The following LRRC8D variants were observed in gnomAD, a reference collection of about 807,000 sequenced individuals.
The protein encoded by LRRC8D is volume-regulated anion channel subunit LRRC8D.
LRRC8D carries 20 observed loss-of-function variants against 55.8 expected under a neutral mutation model. The observed-to-expected ratio is 0.36, with a 90% CI of 0.25 to 0.52. The LOEUF (loss-of-function observed/expected upper bound fraction) is 0.52. LRRC8D is among the 20% of genes least tolerant of loss of function. The pLI is 0.93. For missense variants in LRRC8D, 651 were observed against 1,030.8 expected (o/e 0.63, Z 5.05); for synonymous variants, 352 against 377.0 (o/e 0.93, Z 0.77).
At chr1:89,858,532 C>G (rs1423225891) in intron 2 of LRRC8D, among the ~76,000 whole-genome samples, 1 of 152,164 alleles carries the variant, frequency 6.6e-6, no homozygotes, top group African/African-American at 2.4e-5. Context: ...AGTGGCATGA[C>G]TTAGTGCAAA....
chr1:89,865,940 A>G (rs1428097284), intron 2 of LRRC8D, among the ~76,000 whole-genome samples: 1 of 152,238 alleles, frequency 6.6e-6, no homozygotes, highest in Admixed American at 6.5e-5. Flanking sequence ...GGAAGTCAAT[A>G]GATTATAGAA....
intron 2 of LRRC8D, among the ~76,000 whole-genome samples, chr1:89,858,187 C>T (rs1661609492): frequency 1.3e-5 from 2 of 152,196 alleles, no homozygotes; most frequent in South Asian, 2.1e-4. Context: ...AGAGATGTCA[C>T]GCTACTGCAC....
At chr1:89,865,165 C>T (rs1661810963) in intron 2 of LRRC8D, among the ~76,000 whole-genome samples, 1 of 152,092 alleles carries the variant, frequency 6.6e-6, no homozygotes, top group Admixed American at 6.6e-5. Context: ...AGTAGGATCT[C>T]CCGTGTTTTT....
intron 2 of LRRC8D, among the ~76,000 whole-genome samples, chr1:89,866,925 G>A (rs1026035159): frequency 6.6e-6 from 1 of 152,098 alleles, no homozygotes; most frequent in Non-Finnish European, 1.5e-5. Flanking sequence ...GTGTGATGTC[G>A]ACCCCAAAGT....
intron 2 of LRRC8D, among the ~76,000 whole-genome samples, chr1:89,914,667 A>G (rs1166081924): frequency 6.9e-6 from 1 of 145,116 alleles, no homozygotes; most frequent in African/African-American, 2.6e-5. Flanking sequence ...TTTGTTTACT[A>G]TTACTGCTTG....
intron 2 of LRRC8D, among the ~76,000 whole-genome samples, chr1:89,847,201 T>C (rs904549609): frequency 2.0e-5 from 3 of 152,236 alleles, no homozygotes; most frequent in Non-Finnish European, 4.4e-5. Context: ...AACTGTAAAA[T>C]TATGGTTTAA....
At chr1:89,885,116 G>A (rs1309541636) in intron 2 of LRRC8D, among the ~76,000 whole-genome samples, 1 of 152,142 alleles carries the variant, frequency 6.6e-6, no homozygotes, top group African/African-American at 2.4e-5. Flanking sequence ...TCTGTCTGCT[G>A]CCTATTAAAT....
At chr1:89,894,864 C>T (rs17099957) in intron 2 of LRRC8D, among the ~76,000 whole-genome samples, 2,053 of 152,254 alleles carry the variant, frequency 0.013, 45 homozygotes, top group African/African-American at 0.047. Context: ...TGATGTGATA[C>T]GGAAAATTCT....
chr1:89,841,423 C>T (rs990810397), intron 1 of LRRC8D, among the ~76,000 whole-genome samples: 1 of 141,500 alleles, frequency 7.1e-6, no homozygotes, highest in African/African-American at 2.6e-5. Flanking sequence ...TGTGAGTGCA[C>T]AAGACTCTTA....
At chr1:89,921,851 A>G (rs1363581684) in intron 2 of LRRC8D, among the ~76,000 whole-genome samples, 1 of 151,478 alleles carries the variant, frequency 6.6e-6, no homozygotes, top group Admixed American at 6.6e-5. Context: ...GCCAACTTTT[A>G]AAGTTTTAAT....
chr1:89,895,634 A>T (rs1662688313), intron 2 of LRRC8D, among the ~76,000 whole-genome samples: 1 of 152,188 alleles, frequency 6.6e-6, no homozygotes, highest in Admixed American at 6.5e-5. Context: ...GTTTCTATTC[A>T]TATATAATAT....
intron 2 of LRRC8D, among the ~76,000 whole-genome samples, chr1:89,845,353 C>T (rs1041313204): frequency 4.6e-5 from 7 of 152,144 alleles, no homozygotes; most frequent in African/African-American, 1.4e-4. Flanking sequence ...ACATGAACTT[C>T]GTAAGTTTGA....
intron 1 of LRRC8D, among the ~76,000 whole-genome samples, chr1:89,822,546 G>A (rs1383675499): frequency 2.6e-5 from 4 of 152,198 alleles, no homozygotes; most frequent in Non-Finnish European, 4.4e-5. Context: ...ATTCCGTACA[G>A]GCAGCGTTTA....
Position 89,879,091 on chromosome 1 carries a change from G to A in LRRC8D, c.-3+35309G>A, listed in dbSNP as rs775959354. Among the ~76,000 whole-genome samples, 39 of 152,040 alleles carry A rather than the reference G, an allele frequency of 2.6e-4. 1 individual carries two copies. Among genetic ancestry groups the A allele is most frequent in the Admixed American group, 1.3e-3 (20 of 15,274 alleles). On this transcript the variant is annotated intron_variant, in intron 2 of 2. Coordinates refer to ENST00000337338, the MANE Select transcript of LRRC8D (RefSeq NM_001134479.2). ...GCACATCCGTGCACCCCCCTGCTCT[G>A]TATCTCCCTGCTGCATTTGTCCGCT...
chr1:89,929,420 T>C (rs1663644612), intron 2 of LRRC8D, among the ~76,000 whole-genome samples: 1 of 151,534 alleles, frequency 6.6e-6, no homozygotes, highest in African/African-American at 2.4e-5. Context: ...GCCTGAAGAG[T>C]TTTTACCAAG....
chr1:89,826,077 A>G (rs1386193893), intron 1 of LRRC8D, among the ~76,000 whole-genome samples: 2 of 152,164 alleles, frequency 1.3e-5, no homozygotes, highest in African/African-American at 2.4e-5. Flanking sequence ...GGATATTCCA[A>G]TGAAAAGAAG....
intron 2 of LRRC8D, among the ~76,000 whole-genome samples, chr1:89,885,509 A>G (rs1413453087): frequency 6.6e-6 from 1 of 152,246 alleles, no homozygotes; most frequent in Non-Finnish European, 1.5e-5. Flanking sequence ...CATTAACTTA[A>G]TAATGGTGTG....
intron 2 of LRRC8D, among the ~76,000 whole-genome samples, chr1:89,860,788 ATATATATAT>A (rs1661697562): frequency 1.2e-5 from 1 of 85,944 alleles, no homozygotes; most frequent in Non-Finnish European, 2.3e-5. Context: ...AAAAAAAAAT[ATATATATAT>A]ATATATATAT....
chr1:89,843,454 C>T lies in LRRC8D; in HGVS notation c.-147-184C>T, dbSNP rs1661187908. On this transcript the variant is annotated intron_variant, in intron 1 of 2. Transcript: ENST00000337338. ...GGCCCGGGCCGAGGCCGCGCCACCT[C>T]GGCACCACGCGGGCAGCCGGTGCGG... The T allele has an allele frequency of 7.9e-5, 33 of 415,152 alleles. No homozygotes were observed. The South Asian group carries it at 1.4e-3, about 18-fold the overall frequency. The allele number at this position is 415,152 out of a possible 1,614,324, so 25.7% of individuals were successfully genotyped here. A position where few individuals can be genotyped will look rare whatever the true frequency, so the allele number is the denominator to read the frequency against.
Sources: gnomAD v4.1 joint callset for allele counts (sites outside exome capture counted in the v4.1 genomes callset) on GRCh38, gnomAD v4.1.1 for gene constraint, MANE v1.5 for transcripts, NCBI Gene and HGNC (gene_info 2026-07-23, HGNC 2026-07-21) for gene names.